CSMD3: variants seen among roughly 807,000 people sequenced by gnomAD.
CSMD3 encodes CUB and sushi domain-containing protein 3.
CSMD3 carries 177 observed loss-of-function variants against 435.2 expected under a neutral mutation model. That is an observed-to-expected ratio of 0.41 (90% CI 0.36 to 0.46). The LOEUF (loss-of-function observed/expected upper bound fraction) is 0.46, where lower values mean the gene tolerates loss of function less well. CSMD3 is among the 20% of genes least tolerant of loss of function. CSMD3 has a pLI of 0.34. For missense variants in CSMD3, 4,265 were observed against 4,504.6 expected (o/e 0.95, Z 1.52); for synonymous variants, 1,656 against 1,520.5 (o/e 1.09, Z -2.07).
intron 5 of CSMD3, among the ~76,000 whole-genome samples, chr8:113,056,837 G>A (rs79184857): frequency 2.4e-3 from 370 of 152,230 alleles, no homozygotes; most frequent in African/African-American, 8.5e-3. Context: ...ATGTGTCACT[G>A]CTATGCTTAA....
intron 16 of CSMD3, among the ~76,000 whole-genome samples, chr8:112,676,871 T>G (rs2131751795): frequency 6.6e-6 from 1 of 152,226 alleles, no homozygotes; most frequent in South Asian, 2.1e-4. Context: ...CAAGTTCTTT[T>G]GGGATTCATT....
chr8:112,241,599 C>T (rs1335310362), intron 66 of CSMD3, 121 bp downstream of exon 66: 1 of 704,742 alleles, frequency 1.4e-6, no homozygotes, highest in East Asian at 2.8e-5. Context: ...TTATCAAATT[C>T]AAGACAGTCA....
chr8:112,619,952 AC>A (rs1430792724), intron 22 of CSMD3, among the ~76,000 whole-genome samples: 8 of 103,194 alleles, frequency 7.8e-5, no homozygotes, highest in African/African-American at 2.7e-4. Context: ...AAAACAAACA[AC>A]AAAAAAAGTT....
intron 9 of CSMD3, among the ~76,000 whole-genome samples, chr8:112,944,241 C>T (rs2083536574): frequency 6.6e-6 from 1 of 151,596 alleles, no homozygotes; most frequent in African/African-American, 2.4e-5. Flanking sequence ...TAAACATGAG[C>T]TTTCTCATCT....
intron 10 of CSMD3, among the ~76,000 whole-genome samples, chr8:112,917,477 G>A (rs923720852): frequency 1.3e-5 from 2 of 151,724 alleles, no homozygotes; most frequent in African/African-American, 4.8e-5. Flanking sequence ...TTATTATTGA[G>A]ACATTGGGAT....
chr8:112,823,545 A>T (rs2079587245), intron 12 of CSMD3, among the ~76,000 whole-genome samples: 1 of 152,134 alleles, frequency 6.6e-6, no homozygotes, highest in Non-Finnish European at 1.5e-5. Context: ...GGTTTTACAG[A>T]ACTTCTTCAT....
At chr8:112,311,297 TG>T in intron 49 of CSMD3, 131 bp from the exon 50 acceptor site, 2 of 729,972 alleles carry the variant, frequency 2.7e-6, no homozygotes, top group South Asian at 3.0e-5. Context: ...TTACTTCATA[TG>T]AACAACATAT....
chr8:113,212,727 A>C (rs2092852334), intron 3 of CSMD3, among the ~76,000 whole-genome samples: 1 of 150,048 alleles, frequency 6.7e-6, no homozygotes, highest in Non-Finnish European at 1.5e-5. Context: ...CTCACACACC[A>C]GGGCCTGTTG....
chr8:112,650,240 T>C lies in CSMD3; in HGVS notation c.3114A>G (p.Ser1038=), dbSNP rs1324477722. 6.2e-7 allele frequency: 1 copy of C among 1,613,880 alleles called. No individual in the cohort carries two copies. The highest frequency in any genetic ancestry group is 1.1e-5 in the South Asian group (1 of 91,070). ...GCTCTTCATGACTCAACCTGTATCC[T>C]GAATCACAACTAAATGAAACAGTAG... ...IGSTVSFSCD[S]GYRLSHEEPL... The change falls in exon 19 of 71, where the codon TCA becomes TCG. Residue 1038 remains serine, a synonymous_variant. Transcript: ENST00000297405.
At chr8:113,023,792 A>C (rs888442198) in intron 5 of CSMD3, among the ~76,000 whole-genome samples, 12 of 152,100 alleles carry the variant, frequency 7.9e-5, no homozygotes, top group Admixed American at 7.9e-4. Context: ...TTTATGTTTA[A>C]CAGACACATA....
chr8:112,377,813 A>G (rs992595211), intron 38 of CSMD3, among the ~76,000 whole-genome samples: 9 of 152,062 alleles, frequency 5.9e-5, no homozygotes, highest in Admixed American at 4.6e-4. Flanking sequence ...ATTATTAAAA[A>G]CTCTCAAAAA....
intron 3 of CSMD3, among the ~76,000 whole-genome samples, chr8:113,194,131 C>T (rs991287530): frequency 1.3e-5 from 2 of 151,322 alleles, no homozygotes; most frequent in Non-Finnish European, 3.0e-5. Flanking sequence ...AACATGTTCA[C>T]ATCTGCAGGT....
chr8:113,376,633 T>C, intron 1 of CSMD3: 1 of 1,302,102 alleles, frequency 7.7e-7, no homozygotes, highest in Non-Finnish European at 1.1e-6. Context: ...TTTACCACTC[T>C]CTCTTTCCAG....
At chr8:112,442,601 T>C (rs1815152143) in intron 32 of CSMD3, among the ~76,000 whole-genome samples, 2 of 152,132 alleles carry the variant, frequency 1.3e-5, no homozygotes, top group South Asian at 4.1e-4. Flanking sequence ...TGTCCCACAA[T>C]ATCCATTCTC....
chr8:112,545,361 T>C (rs1827060028), intron 27 of CSMD3, among the ~76,000 whole-genome samples: 1 of 151,418 alleles, frequency 6.6e-6, no homozygotes, highest in African/African-American at 2.4e-5. Flanking sequence ...CACGCGCCTG[T>C]AATCCCAGCT....
intron 1 of CSMD3, among the ~76,000 whole-genome samples, chr8:113,408,519 A>C (rs1040396202): frequency 6.6e-6 from 1 of 152,192 alleles, no homozygotes; most frequent in Non-Finnish European, 1.5e-5. Flanking sequence ...GCTCGATTCT[A>C]TAGTTTTTGC....
chr8:112,296,556 A>T (rs538888207), intron 53 of CSMD3, among the ~76,000 whole-genome samples: 75 of 149,362 alleles, frequency 5.0e-4, no homozygotes, highest in East Asian at 8.5e-4. Context: ...CCTCAAAAAA[A>T]AAATAAATAA....
At chr8:112,364,335 A>C (rs1827549926) in intron 38 of CSMD3, among the ~76,000 whole-genome samples, 1 of 151,728 alleles carries the variant, frequency 6.6e-6, no homozygotes, top group African/African-American at 2.4e-5. Context: ...AGGGGAAGAG[A>C]AAATCTATTC....
At chr8:112,630,353 T>TAA (rs2074479878) in intron 22 of CSMD3, among the ~76,000 whole-genome samples, 1 of 152,284 alleles carries the variant, frequency 6.6e-6, no homozygotes, top group East Asian at 1.9e-4. Flanking sequence ...ATTATATATA[T>TAA]AACTGCTAAA....
Sources: allele counts gnomAD v4.1 joint callset (sites outside exome capture counted in the v4.1 genomes callset), GRCh38; gene constraint gnomAD v4.1.1; transcripts MANE v1.5; gene names NCBI Gene and HGNC (gene_info 2026-07-23, HGNC 2026-07-21).